LRRC37A2: variants seen among roughly 807,000 people sequenced by gnomAD.
LRRC37A2 encodes the protein leucine-rich repeat-containing protein 37A2.
Under a neutral mutation model 68.8 loss-of-function variants are expected in LRRC37A2, and 9 were observed. That is an observed-to-expected ratio of 0.13 (90% CI 0.08 to 0.23). The LOEUF (loss-of-function observed/expected upper bound fraction) is 0.23. Ranked by LOEUF, LRRC37A2 falls within the 10% of genes least tolerant of loss-of-function variation. LRRC37A2 has a pLI of 1.00. For missense variants in LRRC37A2, 168 were observed against 950.4 expected (o/e 0.18, Z 10.82); for synonymous variants, 63 against 367.6 (o/e 0.17, Z 9.48).
At chr17:46,830,560 T>C in the LRRC37A2 span, 1 of 397,962 alleles carries the variant, frequency 2.5e-6, no homozygotes, top group Non-Finnish European at 4.4e-6. Flanking sequence ...ATCATATTTC[T>C]GAATCCCAAA....
the LRRC37A2 span, among the ~76,000 whole-genome samples, chr17:46,911,711 C>A: frequency 6.6e-6 from 1 of 151,982 alleles, no homozygotes; most frequent in Non-Finnish European, 1.5e-5. Context: ...GGTAAAACCC[C>A]GTCTCAACTT....
At chr17:46,854,594 A>G in the LRRC37A2 span, among the ~76,000 whole-genome samples, 2 of 152,100 alleles carry the variant, frequency 1.3e-5, no homozygotes, top group Non-Finnish European at 2.9e-5. Flanking sequence ...GCTGCTTTTG[A>G]GTGAGCCTAG....
the LRRC37A2 span, chr17:46,932,100 C>T: frequency 3.7e-6 from 6 of 1,613,328 alleles, no homozygotes; most frequent in Admixed American, 1.7e-5. Flanking sequence ...ATGTCCAGCA[C>T]CTGCAGACTG....
chr17:46,893,306 G>A, the LRRC37A2 span, among the ~76,000 whole-genome samples: 1 of 152,166 alleles, frequency 6.6e-6, no homozygotes, highest in African/African-American at 2.4e-5. Context: ...TAGCAATCCA[G>A]CAACATGTTG....
the LRRC37A2 span, chr17:46,749,918 G>C: frequency 6.2e-7 from 1 of 1,613,364 alleles, no homozygotes; most frequent in Non-Finnish European, 8.5e-7. Flanking sequence ...GTAAAAATGA[G>C]TCAATGGATT....
the LRRC37A2 span, among the ~76,000 whole-genome samples, chr17:46,767,028 A>T: frequency 6.6e-6 from 1 of 152,138 alleles, no homozygotes; most frequent in South Asian, 2.1e-4. Context: ...GCAGGGCCTA[A>T]TTCCAACACC....
chr17:46,716,205 A>C, the LRRC37A2 span, among the ~76,000 whole-genome samples: 4 of 151,852 alleles, frequency 2.6e-5, no homozygotes, highest in Non-Finnish European at 5.9e-5. Flanking sequence ...ATGAAATGTA[A>C]ATGTCATTCT....
chr17:46,545,170 A>G (rs1411119570), intron 8 of LRRC37A2, among the ~76,000 whole-genome samples: 2 of 130,970 alleles, frequency 1.5e-5, no homozygotes, highest in Non-Finnish European at 3.1e-5. Flanking sequence ...AGTGGCTCCC[A>G]CTTGTAATCC....
chr17:46,771,901 C>T, the LRRC37A2 span, among the ~76,000 whole-genome samples: 1 of 145,530 alleles, frequency 6.9e-6, no homozygotes, highest in East Asian at 2.0e-4. Context: ...CCTGCCCCCG[C>T]CCCCGCCTGG....
chr17:46,827,665 A>G, the LRRC37A2 span, among the ~76,000 whole-genome samples: 1 of 152,178 alleles, frequency 6.6e-6, no homozygotes, highest in African/African-American at 2.4e-5. Flanking sequence ...AACTATCTGT[A>G]TCCTCCTCAC....
chr17:46,413,335 C>G, the LRRC37A2 span, among the ~76,000 whole-genome samples: 2 of 73,700 alleles, frequency 2.7e-5, no homozygotes, highest in African/African-American at 7.5e-5. Context: ...GTCTTTAAAA[C>G]TTAAAAAAAA....
At chr17:46,499,121 C>A in the LRRC37A2 span, among the ~76,000 whole-genome samples, 1 of 145,466 alleles carries the variant, frequency 6.9e-6, no homozygotes, top group African/African-American at 2.7e-5. Context: ...TTGAGACCAG[C>A]CTGGCCAACA....
chr17:46,969,972 G>C, the LRRC37A2 span, among the ~76,000 whole-genome samples: 1 of 152,172 alleles, frequency 6.6e-6, no homozygotes, highest in Non-Finnish European at 1.5e-5. Flanking sequence ...AACACAGGCT[G>C]TGCAAGCAGA....
At chr17:46,856,575 C>G in the LRRC37A2 span, among the ~76,000 whole-genome samples, 1 of 151,714 alleles carries the variant, frequency 6.6e-6, no homozygotes, top group Non-Finnish European at 1.5e-5. Context: ...GCCTCCGCCT[C>G]CCGGTTCAAG....
the LRRC37A2 span, among the ~76,000 whole-genome samples, chr17:46,868,554 G>C: frequency 0.11 from 15,856 of 150,004 alleles, 1,120 homozygotes; most frequent in East Asian, 0.37. Context: ...CGAAATCTCA[G>C]CACTGCACTC....
At chr17:47,032,495 G>C in the LRRC37A2 span, among the ~76,000 whole-genome samples, 1 of 152,202 alleles carries the variant, frequency 6.6e-6, no homozygotes, top group Non-Finnish European at 1.5e-5. Flanking sequence ...AATAGGAGCT[G>C]AATGATGACA....
At chr17:46,834,007 G>A in the LRRC37A2 span, among the ~76,000 whole-genome samples, 2 of 152,004 alleles carry the variant, frequency 1.3e-5, no homozygotes, top group African/African-American at 4.8e-5. Context: ...ACCAACCTGG[G>A]CAACATAGTG....
At chr17:46,962,313 A>G in the LRRC37A2 span, among the ~76,000 whole-genome samples, 3 of 145,294 alleles carry the variant, frequency 2.1e-5, no homozygotes, top group East Asian at 2.0e-4. Flanking sequence ...TGGGCAATAG[A>G]GTGAGACTCC....
chr17:46,925,211 G>C, the LRRC37A2 span, among the ~76,000 whole-genome samples: 2 of 152,250 alleles, frequency 1.3e-5, no homozygotes, highest in Admixed American at 1.3e-4. Flanking sequence ...TGTTATATTG[G>C]GAAAACAGCC....
Sources: allele counts gnomAD v4.1 joint callset (sites outside exome capture counted in the v4.1 genomes callset), GRCh38; gene constraint gnomAD v4.1.1; transcripts MANE v1.5; gene names NCBI Gene and HGNC (gene_info 2026-07-23, HGNC 2026-07-21).